Variants in FRMD4B observed in about 807,000 individuals in gnomAD.
FRMD4B encodes the protein FERM domain-containing protein 4B.
In FRMD4B, 74 loss-of-function variants were observed where a neutral mutation model predicts 141.5. The observed-to-expected ratio is 0.52, with a 90% confidence interval of 0.43 to 0.63. The LOEUF (loss-of-function observed/expected upper bound fraction) is 0.63, where lower values mean the gene tolerates loss of function less well. FRMD4B is among the 30% of genes least tolerant of loss of function. The pLI, the probability that FRMD4B is intolerant of heterozygous loss-of-function variation, is 0.00. For missense variants in FRMD4B, 1,366 were observed against 1,253.4 expected (o/e 1.09, Z -1.36); for synonymous variants, 506 against 467.9 (o/e 1.08, Z -1.05).
chr3:69,487,623 A>G (rs999871017), intron 1 of FRMD4B, among the ~76,000 whole-genome samples: 1 of 152,202 alleles, frequency 6.6e-6, no homozygotes, highest in African/African-American at 2.4e-5. Flanking sequence ...TCCTCTTAGA[A>G]GATGTCAAAG....
At chr3:69,185,507 T>C (rs1330015345) in intron 19 of FRMD4B, among the ~76,000 whole-genome samples, 1 of 152,178 alleles carries the variant, frequency 6.6e-6, no homozygotes, top group Non-Finnish European at 1.5e-5. Context: ...TGGTATAACA[T>C]GTTCACTGAA....
intron 1 of FRMD4B, among the ~76,000 whole-genome samples, chr3:69,492,105 C>T (rs1706309074): frequency 6.6e-6 from 1 of 152,222 alleles, no homozygotes; most frequent in Admixed American, 6.5e-5. Context: ...ACCTGGCAAT[C>T]AAGATTCCCT....
chr3:69,273,003 T>C (rs1422859678), intron 5 of FRMD4B, among the ~76,000 whole-genome samples: 3 of 152,244 alleles, frequency 2.0e-5, no homozygotes, highest in Non-Finnish European at 2.9e-5. Context: ...AAGCTCATTA[T>C]TGACTTTTGG....
At chr3:69,212,757 A>C (rs1559721859) in intron 11 of FRMD4B, among the ~76,000 whole-genome samples, 1 of 152,246 alleles carries the variant, frequency 6.6e-6, no homozygotes. Flanking sequence ...ATCAAGCCAC[A>C]TTAGCTAATA....
At chr3:69,252,761 C>T (rs2093471210) in intron 5 of FRMD4B, among the ~76,000 whole-genome samples, 1 of 152,110 alleles carries the variant, frequency 6.6e-6, no homozygotes, top group Non-Finnish European at 1.5e-5. Context: ...TGCTTTTACT[C>T]TCAACCATGG....
At chr3:69,296,786 C>T (rs1701048141) in intron 4 of FRMD4B, among the ~76,000 whole-genome samples, 1 of 152,146 alleles carries the variant, frequency 6.6e-6, no homozygotes, top group Non-Finnish European at 1.5e-5. Flanking sequence ...TGGTCACAAA[C>T]ATTTTATCCT....
chr3:69,181,592 T>C lies in FRMD4B; in HGVS notation c.2158A>G (p.Ser720Gly). 6.2e-7 allele frequency: 1 copy of C among 1,613,864 alleles called. No homozygotes were observed. The highest frequency in any genetic ancestry group is 1.1e-5 in the South Asian group (1 of 91,062). The part of the protein sequence containing the change: ...PFFSLSKSQR[S>G]SSTEILDDGS... ...TCATCGAGGATTTCTGTGCTGCTGC[T>C]TCTTTGGGATTTGGAGAGGGAGAAA... is the stretch of plus-strand genomic sequence containing the variant. Residue 720 changes from serine to glycine, a missense_variant, in exon 21 of 23, where the codon AGC becomes GGC. Physicochemically the swap from Ser to Gly is moderately conservative, Grantham distance 56 (BLOSUM62 0). Coordinates refer to ENST00000398540, the MANE Select transcript of FRMD4B (RefSeq NM_015123.3).
chr3:69,494,378 A>G (rs1706352225), intron 1 of FRMD4B, among the ~76,000 whole-genome samples: 1 of 152,230 alleles, frequency 6.6e-6, no homozygotes, highest in East Asian at 1.9e-4. Flanking sequence ...ATGAATACTA[A>G]TAAAGCATGA....
At chr3:69,348,078 A>C (rs559023649) in intron 1 of FRMD4B, among the ~76,000 whole-genome samples, 1 of 152,328 alleles carries the variant, frequency 6.6e-6, no homozygotes, top group African/African-American at 2.4e-5. Context: ...AAATTGATAG[A>C]CTGCTAGCAA....
chr3:69,480,873 C>T (rs1054389612), intron 1 of FRMD4B, among the ~76,000 whole-genome samples: 4 of 152,232 alleles, frequency 2.6e-5, no homozygotes, highest in African/African-American at 9.6e-5. Flanking sequence ...CCAGTTCGAG[C>T]TTCCTGGCTT....
chr3:69,523,384 G>A (rs908412369), intron 1 of FRMD4B, among the ~76,000 whole-genome samples: 3 of 152,180 alleles, frequency 2.0e-5, no homozygotes, highest in African/African-American at 7.2e-5. Context: ...TGGTGGGGAA[G>A]GCTGGTGGTA....
chr3:69,394,853 CA>C (rs1704447878), intron 2 of FRMD4B, among the ~76,000 whole-genome samples: 1 of 152,086 alleles, frequency 6.6e-6, no homozygotes, highest in Non-Finnish European at 1.5e-5. Context: ...AGAGTGAGTC[CA>C]TGTCCTTCAC....
intron 5 of FRMD4B, among the ~76,000 whole-genome samples, chr3:69,250,786 G>A (rs2093459875): frequency 2.0e-5 from 3 of 148,454 alleles, no homozygotes; most frequent in Non-Finnish European, 4.4e-5. Context: ...TCTGGGCCTT[G>A]GTAAAGAATG....
intron 1 of FRMD4B, among the ~76,000 whole-genome samples, chr3:69,456,752 C>T (rs534134436): frequency 4.1e-5 from 6 of 146,550 alleles, no homozygotes; most frequent in Admixed American, 2.7e-4. Context: ...AAAAAAAAAG[C>T]ATATGTCTGT....
chr3:69,383,351 G>A (rs934985678), intron 1 of FRMD4B, among the ~76,000 whole-genome samples: 1 of 152,164 alleles, frequency 6.6e-6, no homozygotes. Context: ...TTCAAAGGCT[G>A]AAAATATTTT....
rs563072780 is a variant in FRMD4B at position 69,170,289 on chromosome 3, T to C, written c.*1572A>G. 1.1e-4 allele frequency: 17 copies of C among 152,302 alleles called. No homozygotes were observed. The highest frequency in any genetic ancestry group is 8.3e-4 in the South Asian group (4 of 4,826). The allele number at this position is 152,302 out of a possible 1,614,324, so 9.4% of individuals were successfully genotyped here. A position where few individuals can be genotyped will look rare whatever the true frequency, so the allele number is the denominator to read the frequency against. On this transcript the variant is annotated 3_prime_UTR_variant, in exon 23 of 23. Coordinates refer to ENST00000398540, the MANE Select transcript of FRMD4B (RefSeq NM_015123.3). ...TTTTCAGTAGCACACCTTTTGTTTATTGACCTATGTAAAAAAATAATAGGT... is the reference window on the plus strand; with the variant it reads ...TTTTCAGTAGCACACCTTTTGTTTACTGACCTATGTAAAAAAATAATAGGT...
chr3:69,475,919 T>G (rs374211377), intron 1 of FRMD4B, among the ~76,000 whole-genome samples: 2 of 150,948 alleles, frequency 1.3e-5, no homozygotes, highest in Non-Finnish European at 2.9e-5. Context: ...GAGATGGTAT[T>G]TCATTGTGGT....
intron 1 of FRMD4B, among the ~76,000 whole-genome samples, chr3:69,366,060 AACACACACACACACACACACAC>A (rs4063529): frequency 7.9e-6 from 1 of 127,138 alleles, no homozygotes; most frequent in Non-Finnish European, 1.6e-5. Flanking sequence ...ACCTCTACAA[AACACACACACACACACACACAC>A]ACACACACAC....
At chr3:69,291,020 A>G (rs754885525) in intron 4 of FRMD4B, among the ~76,000 whole-genome samples, 8 of 152,196 alleles carry the variant, frequency 5.3e-5, no homozygotes, top group Non-Finnish European at 1.2e-4. Flanking sequence ...ACATATATAG[A>G]AGTACGTGTG....
Sources: gnomAD v4.1 joint callset for allele counts (sites outside exome capture counted in the v4.1 genomes callset) on GRCh38, gnomAD v4.1.1 for gene constraint, MANE v1.5 for transcripts, NCBI Gene and HGNC (gene_info 2026-07-23, HGNC 2026-07-21) for gene names.